CSGALNACT2: variants seen among roughly 807,000 people sequenced by gnomAD.
CSGALNACT2 encodes beta 4 GalNAcT-2.
CSGALNACT2 carries 35 observed loss-of-function variants against 55.3 expected under a neutral mutation model. The ratio of observed to expected loss-of-function variants is 0.63; its 90% CI spans 0.48 to 0.84. The LOEUF (loss-of-function observed/expected upper bound fraction) is 0.84. Among genes scored for constraint, CSGALNACT2 ranks in the 40% least tolerant of loss-of-function variants. The pLI, the probability that CSGALNACT2 is intolerant of heterozygous loss-of-function variation, is 0.00. For synonymous variants in CSGALNACT2, 196 were observed against 224.9 expected (o/e 0.87, Z 1.15); for missense variants, 544 against 657.5 (o/e 0.83, Z 1.89).
intron 7 of CSGALNACT2, among the ~76,000 whole-genome samples, chr10:43,181,402 G>A (rs1020640311): frequency 6.6e-6 from 1 of 152,218 alleles, no homozygotes; most frequent in Non-Finnish European, 1.5e-5. Flanking sequence ...ATGGAGTGAT[G>A]ACTTCTAGCT....
intron 5 of CSGALNACT2, among the ~76,000 whole-genome samples, chr10:43,166,565 A>T (rs1352744343): frequency 6.6e-6 from 1 of 152,216 alleles, no homozygotes; most frequent in African/African-American, 2.4e-5. Flanking sequence ...TATTCTCTGC[A>T]TATCTATTCA....
In CSGALNACT2 at chr10:43,155,451, A is replaced by G; in HGVS notation, c.302A>G (p.Asn101Ser). 6.2e-7 allele frequency: 1 copy of G among 1,614,218 alleles called. No individual in the cohort carries two copies. The highest frequency in any genetic ancestry group is 8.5e-7 in the Non-Finnish European group (1 of 1,180,040). Residue 101 changes from asparagine (N) to serine (S), a missense_variant, in exon 2 of 8, where the codon AAT becomes AGT. By Grantham distance (46) the Asn-to-Ser change is conservative (BLOSUM62 1). Coordinates refer to ENST00000374466, the MANE Select transcript of CSGALNACT2 (RefSeq NM_018590.5). ...EKMRSLQERR[N>S]VGANGIGYQS... ...ATGCGGTCACTGCAAGAAAGAAGGA[A>G]TGTAGGGGCTAATGGCATAGGCTAT... is the stretch of plus-strand genomic sequence containing the variant.
intron 6 of CSGALNACT2, among the ~76,000 whole-genome samples, chr10:43,171,499 C>G (rs558071359): frequency 1.3e-5 from 2 of 151,942 alleles, no homozygotes; most frequent in Non-Finnish European, 2.9e-5. Flanking sequence ...ATTACAGGCA[C>G]ACACCACCAC....
intron 2 of CSGALNACT2, among the ~76,000 whole-genome samples, chr10:43,157,639 A>C (rs1839043148): frequency 6.6e-6 from 1 of 152,096 alleles, no homozygotes; most frequent in Non-Finnish European, 1.5e-5. Flanking sequence ...GGTTGGGACC[A>C]AGTCTATTTT....
chr10:43,143,680 CTT>C (rs1233964337), intron 1 of CSGALNACT2, among the ~76,000 whole-genome samples: 2 of 152,142 alleles, frequency 1.3e-5, no homozygotes, highest in East Asian at 1.9e-4. Context: ...ACACTTGACT[CTT>C]TAACTGGTTT....
In CSGALNACT2 at chr10:43,155,417, A is replaced by T. The variant is rs542751915; in HGVS notation, c.268A>T (p.Ser90Cys). The T allele has an allele frequency of 2.5e-6, 4 of 1,614,240 alleles. No homozygotes were observed. In the African/African-American group the frequency reaches 5.3e-5, roughly 22 times the overall value. The part of the protein sequence containing the change: ...AQLKQELQEM[S>C]EKMRSLQERR... The stretch of plus-strand genomic sequence containing the variant: ...ACTAAAACAAGAATTACAAGAAATG[A>T]GTGAGAAGATGCGGTCACTGCAAGA... Residue 90 changes from serine (S) to cysteine (C), a missense_variant, in exon 2 of 8, where the codon AGT (serine) becomes TGT (cysteine). Coordinates refer to ENST00000374466, the MANE Select transcript of CSGALNACT2 (RefSeq NM_018590.5).
At chr10:43,152,872 A>G (rs958477923) in intron 1 of CSGALNACT2, among the ~76,000 whole-genome samples, 2 of 152,214 alleles carry the variant, frequency 1.3e-5, no homozygotes, top group Non-Finnish European at 2.9e-5. Flanking sequence ...CGCTAGGTTT[A>G]TCTTTTAAAT....
intron 5 of CSGALNACT2, among the ~76,000 whole-genome samples, chr10:43,164,967 T>G (rs1839230187): frequency 6.6e-6 from 1 of 152,056 alleles, no homozygotes; most frequent in African/African-American, 2.4e-5. Context: ...CTCATGCCTG[T>G]AATCCCAGCA....
Position 43,158,946 on chromosome 10 carries a change from T to G in CSGALNACT2, c.878+15T>G, listed in dbSNP as rs377153740. The G allele has an allele frequency of 5.4e-6, 8 of 1,469,660 alleles. No homozygotes were observed. Among genetic ancestry groups the G allele is most frequent in the Non-Finnish European group, 7.6e-6 (8 of 1,051,574 alleles). 91.0% of individuals were successfully genotyped at this position (1,469,660 alleles called of 1,614,324 possible). ...CAGAACTTCAGGTAACTGTCAGGGC[T>G]TAATGATTAAGCTACATTCTCCTAA... On this transcript the variant is annotated intron_variant, in intron 3 of 7. Coordinates refer to ENST00000374466, the MANE Select transcript of CSGALNACT2 (RefSeq NM_018590.5).
Position 43,155,475 on chromosome 10 carries a change from A to G in CSGALNACT2, c.326A>G (p.Tyr109Cys), listed in dbSNP as rs760315975. ...RRNVGANGIG[Y>C]QSNKEQAPSD... ...AATGTAGGGGCTAATGGCATAGGCTATCAGAGCAACAAAGAGCAAGCACCT... is the reference window on the plus strand; with the variant it reads ...AATGTAGGGGCTAATGGCATAGGCTGTCAGAGCAACAAAGAGCAAGCACCT... The change falls in exon 2 of 8, where the codon TAT becomes TGT. Residue 109 changes from tyrosine to cysteine, a missense_variant. This residue lies in a region of CSGALNACT2 where 374 missense variants were observed against 401.3 expected (regional missense o/e 0.93). Transcript: ENST00000374466. 27 of 1,614,258 alleles carry G rather than the reference A, an allele frequency of 1.7e-5. No homozygotes were observed. In the South Asian group the frequency reaches 2.6e-4, roughly 16 times the overall value.
intron 6 of CSGALNACT2, among the ~76,000 whole-genome samples, chr10:43,171,369 T>G (rs1261751846): frequency 1.6e-4 from 25 of 151,880 alleles, no homozygotes; most frequent in African/African-American, 5.8e-4. Flanking sequence ...TTTTTTTTTT[T>G]GAGATGGAGT....
chr10:43,144,364 C>A (rs1838696706), intron 1 of CSGALNACT2, among the ~76,000 whole-genome samples: 1 of 152,108 alleles, frequency 6.6e-6, no homozygotes, highest in Non-Finnish European at 1.5e-5. Context: ...ATGTAAGGGA[C>A]CAGTGCTGTA....
intron 1 of CSGALNACT2, among the ~76,000 whole-genome samples, chr10:43,140,996 A>G (rs934255677): frequency 4.6e-5 from 7 of 152,234 alleles, no homozygotes; most frequent in Admixed American, 6.5e-5. Flanking sequence ...AAGTATTAGT[A>G]TCTTCAAATT....
At chr10:43,141,615 A>G (rs1474594711) in intron 1 of CSGALNACT2, among the ~76,000 whole-genome samples, 2 of 111,500 alleles carry the variant, frequency 1.8e-5, no homozygotes, top group African/African-American at 7.7e-5. Context: ...GCTGACAGTG[A>G]AACTGTCTCA....
At chr10:43,157,673 T>C (rs1268858124) in intron 2 of CSGALNACT2, among the ~76,000 whole-genome samples, 1 of 152,252 alleles carries the variant, frequency 6.6e-6, no homozygotes, top group South Asian at 2.1e-4. Flanking sequence ...TACCCAGATA[T>C]TTACTGAGTG....
intron 7 of CSGALNACT2, among the ~76,000 whole-genome samples, chr10:43,178,465 A>G (rs1839525578): frequency 1.3e-5 from 2 of 152,040 alleles, no homozygotes; most frequent in Admixed American, 1.3e-4. Flanking sequence ...TACTAAAAAT[A>G]CAAAAATTAG....
rs201853037 is a variant in CSGALNACT2 at position 43,155,643 on chromosome 10, G to A, written c.494G>A (p.Arg165His). The change falls in exon 2 of 8, where the codon CGC becomes CAC. Residue 165 changes from arginine (R) to histidine (H), a missense_variant. Arg to His is a conservative substitution (Grantham distance 29). Around this residue, in one of 2 missense-constraint regions of CSGALNACT2, gnomAD observed 374 missense variants for 401.3 expected, o/e 0.93. Transcript: ENST00000374466. Reference protein sequence around the residue: ...KVFQLEMGLTRHPEEKPVRKD... With the variant: ...KVFQLEMGLTHHPEEKPVRKD... Reference sequence around the variant, plus strand: ...TTTCAATTGGAAATGGGTCTCACTCGCCATCCTGAAGAAAAGCCAGTTAGA... The same window carrying A: ...TTTCAATTGGAAATGGGTCTCACTCACCATCCTGAAGAAAAGCCAGTTAGA... 209 of 1,613,988 alleles carry A rather than the reference G, an allele frequency of 1.3e-4. No homozygotes were observed. The highest frequency in any genetic ancestry group is 1.7e-4 in the Non-Finnish European group (201 of 1,180,022).
At chr10:43,161,059 A>C (rs1323075490) in intron 4 of CSGALNACT2, among the ~76,000 whole-genome samples, 1 of 152,166 alleles carries the variant, frequency 6.6e-6, no homozygotes, top group Non-Finnish European at 1.5e-5. Flanking sequence ...TTCACAGCTC[A>C]ACATCACGAG....
intron 6 of CSGALNACT2, among the ~76,000 whole-genome samples, chr10:43,171,876 TAAG>T (rs1236929879): frequency 7.2e-5 from 11 of 152,174 alleles, no homozygotes; most frequent in African/African-American, 2.2e-4. Flanking sequence ...TAGAAGTAAA[TAAG>T]AAGGAAAAAA....
Sources: allele counts gnomAD v4.1 joint callset (sites outside exome capture counted in the v4.1 genomes callset), GRCh38; gene constraint gnomAD v4.1.1; regional missense constraint gnomAD v4.1.1; transcripts MANE v1.5; gene names NCBI Gene and HGNC (gene_info 2026-07-23, HGNC 2026-07-21).